Variants in SPAG9 observed in about 807,000 individuals in gnomAD.
The protein encoded by SPAG9 is sperm associated antigen 9, also known as C-Jun-amino-terminal kinase-interacting protein 4.
In SPAG9, 35 loss-of-function variants were observed where a neutral mutation model predicts 166.5. The ratio of observed to expected loss-of-function variants is 0.21; its 90% CI spans 0.16 to 0.28. The LOEUF (loss-of-function observed/expected upper bound fraction) is 0.28. Among genes scored for constraint, SPAG9 ranks in the 10% least tolerant of loss-of-function variants. The pLI, the probability that SPAG9 is intolerant of heterozygous loss-of-function variation, is 1.00. For synonymous variants in SPAG9, 534 were observed against 565.5 expected, an observed-to-expected ratio of 0.94 and a Z score of 0.79; for missense variants, 1,235 against 1,603.3, an observed-to-expected ratio of 0.77 and a Z score of 3.92.
chr17:50,970,013 A>C (rs575584807), intron 29 of SPAG9, among the ~76,000 whole-genome samples: 2 of 152,338 alleles, frequency 1.3e-5, no homozygotes, highest in African/African-American at 2.4e-5. Flanking sequence ...GTGCTCAATT[A>C]ATGTTTGTTA....
At chr17:51,023,642 G>A (rs9915100) in intron 6 of SPAG9, among the ~76,000 whole-genome samples, 8,692 of 152,040 alleles carry the variant, frequency 0.057, 736 homozygotes, top group African/African-American at 0.19. Context: ...TAAGTAAATC[G>A]TATTTTTCCA....
Position 51,021,365 on chromosome 17 carries a change from C to A in SPAG9, c.784G>T (p.Asp262Tyr). Residue 262 changes from aspartate to tyrosine, a missense_variant and splice_region_variant, in exon 7 of 30, where the codon GAT (aspartate) becomes TAT (tyrosine). Physicochemically the swap from Asp to Tyr is radical, Grantham distance 160. Around this residue, in one of 6 missense-constraint regions of SPAG9, gnomAD observed 288 missense variants for 323.7 expected, o/e 0.89. Transcript: ENST00000262013. ...PEPQKAVEQE[D>Y]ELSDVSQGGS... ...CCTTGGCTAACATCAGAAAGCTCATCCTACAAATAAAAATAATTTAAAATA... is the reference window on the plus strand; with the variant it reads ...CCTTGGCTAACATCAGAAAGCTCATACTACAAATAAAAATAATTTAAAATA... The A allele has an allele frequency of 6.3e-7, 1 of 1,596,210 alleles. No homozygotes were observed. Among genetic ancestry groups the A allele is most frequent in the Non-Finnish European group, 8.5e-7 (1 of 1,171,966 alleles).
chr17:51,043,133 G>A (rs1170250745), intron 4 of SPAG9, among the ~76,000 whole-genome samples: 2 of 152,048 alleles, frequency 1.3e-5, no homozygotes, highest in African/African-American at 2.4e-5. Flanking sequence ...CACATGATCT[G>A]CCTGCTTCGG....
chr17:51,033,309 T>C (rs1312308954), intron 5 of SPAG9, among the ~76,000 whole-genome samples: 1 of 98,404 alleles, frequency 1.0e-5, no homozygotes, highest in Non-Finnish European at 2.1e-5. Context: ...TGTCATTAAA[T>C]GAAAAAAAAA....
At chr17:51,089,637 T>TATAC (rs1443803443) in intron 1 of SPAG9, among the ~76,000 whole-genome samples, 2 of 79,540 alleles carry the variant, frequency 2.5e-5, no homozygotes, top group Non-Finnish European at 4.7e-5. Flanking sequence ...TATATATATA[T>TATAC]ATATATATAT....
At chr17:51,095,656 A>C (rs1052656046) in intron 1 of SPAG9, among the ~76,000 whole-genome samples, 2 of 148,042 alleles carry the variant, frequency 1.4e-5, no homozygotes, top group Non-Finnish European at 3.0e-5. Flanking sequence ...ATCTCCAAAA[A>C]AAGAAAAAAA....
At chr17:51,004,119 G>C (rs1335303723) in intron 12 of SPAG9, among the ~76,000 whole-genome samples, 1 of 152,116 alleles carries the variant, frequency 6.6e-6, no homozygotes, top group Non-Finnish European at 1.5e-5. Context: ...CACAAAAAAG[G>C]AAAAATTAAA....
rs1037189802 is a variant in SPAG9 at position 51,120,748 on chromosome 17, G to C, written c.-92C>G. ...GACGGACCCGACTCGGGCTGGGACGGGTACTAGGGCTGGAGCCCGGGCCGG... is the reference window on the plus strand; with the variant it reads ...GACGGACCCGACTCGGGCTGGGACGCGTACTAGGGCTGGAGCCCGGGCCGG... On this transcript the variant is annotated 5_prime_UTR_variant, in exon 1 of 30. Coordinates refer to ENST00000262013, the MANE Select transcript of SPAG9 (RefSeq NM_001130528.3). The surrounding 1 kb of genome is among the most constrained non-coding windows in gnomAD (Gnocchi z 4.7). 2.6e-5 allele frequency: 31 copies of C among 1,200,206 alleles called. No individual in the cohort carries two copies. Among genetic ancestry groups the C allele is most frequent in the Non-Finnish European group, 3.4e-5 (30 of 875,564 alleles). The allele number at this position is 1,200,206 out of a possible 1,614,324, so 74.3% of individuals were successfully genotyped here.
At chr17:51,069,627 A>C (rs983950501) in intron 2 of SPAG9, among the ~76,000 whole-genome samples, 3 of 152,156 alleles carry the variant, frequency 2.0e-5, no homozygotes, top group African/African-American at 7.2e-5. Context: ...CATTCCTTTA[A>C]AATAAAAATT....
Position 51,014,270 on chromosome 17 carries a change from C to G in SPAG9, c.1175G>C (p.Gly392Ala). 1 of 1,613,366 alleles carries G rather than the reference C, an allele frequency of 6.2e-7. No individual in the cohort carries two copies. The highest frequency in any genetic ancestry group is 8.5e-7 in the Non-Finnish European group (1 of 1,179,500). The change falls in exon 9 of 30, where the codon GGC becomes GCC. Residue 392 changes from glycine to alanine, a missense_variant. Gly to Ala is a moderately conservative substitution (Grantham distance 60). Around this residue, in one of 6 missense-constraint regions of SPAG9, gnomAD observed 288 missense variants for 323.7 expected, o/e 0.89. Transcript: ENST00000262013. Reference sequence around the variant, plus strand: ...TCCTTCATCCACATCTCCTATTAGGCCTGAGCCAGCTGAAGACAGTTCTTC... The same window carrying G: ...TCCTTCATCCACATCTCCTATTAGGGCTGAGCCAGCTGAAGACAGTTCTTC... ...LFEELSSAGS[G>A]LIGDVDEGAD...
At chr17:50,987,331 ATTTG>A in intron 21 of SPAG9, 94 bp from the exon 22 acceptor site, 2 of 1,129,444 alleles carry the variant, frequency 1.8e-6, no homozygotes, top group Non-Finnish European at 2.5e-6. Context: ...AAGTTTGTTC[ATTTG>A]TTTATTATTT....
intron 1 of SPAG9, among the ~76,000 whole-genome samples, chr17:51,101,692 C>T (rs951465752): frequency 3.9e-5 from 6 of 151,990 alleles, no homozygotes; most frequent in Non-Finnish European, 5.9e-5. Flanking sequence ...GGTGCAACCT[C>T]AGCTCACTGC....
chr17:51,054,283 T>A (rs2047294741), intron 3 of SPAG9, among the ~76,000 whole-genome samples: 1 of 151,016 alleles, frequency 6.6e-6, no homozygotes, highest in Non-Finnish European at 1.5e-5. Flanking sequence ...TGCCTGGCTA[T>A]TTTTGTATAT....
In SPAG9 at chr17:50,995,583, C is replaced by A. The variant is rs1333242911; in HGVS notation, c.1969-50G>T. ...AAAAAGGCACATTAGTAAGCCTCAT[C>A]AAAAGTGAACTTATTACAGATCCAC... On this transcript the variant is annotated intron_variant, in intron 16 of 29. Coordinates refer to ENST00000262013, the MANE Select transcript of SPAG9 (RefSeq NM_001130528.3). 6 of 1,074,568 alleles carry A rather than the reference C, an allele frequency of 5.6e-6. No homozygotes were observed. In the South Asian group the frequency reaches 7.6e-5, roughly 14 times the overall value. The allele number at this position is 1,074,568 out of a possible 1,614,324, so 66.6% of individuals were successfully genotyped here. A position where few individuals can be genotyped will look rare whatever the true frequency, so the allele number is the denominator to read the frequency against.
intron 2 of SPAG9, among the ~76,000 whole-genome samples, chr17:51,061,405 C>A (rs566666944): frequency 6.6e-6 from 1 of 151,964 alleles, no homozygotes; most frequent in South Asian, 2.1e-4. Context: ...CTGAGGTCAG[C>A]AGTTCGAGAC....
intron 9 of SPAG9, among the ~76,000 whole-genome samples, chr17:51,011,683 A>G (rs892313915): frequency 6.6e-6 from 1 of 152,080 alleles, no homozygotes; most frequent in African/African-American, 2.4e-5. Context: ...GTGCCCGGCC[A>G]GGAACATTTT....
At chr17:51,004,788 T>C (rs2045127645) in intron 12 of SPAG9, among the ~76,000 whole-genome samples, 1 of 152,240 alleles carries the variant, frequency 6.6e-6, no homozygotes, top group Admixed American at 6.5e-5. Flanking sequence ...TTTATTCTTC[T>C]GTACTTATGT....
intron 26 of SPAG9, among the ~76,000 whole-genome samples, chr17:50,979,192 A>C (rs1974405529): frequency 6.6e-6 from 1 of 150,676 alleles, no homozygotes. Context: ...TGGGCAACAC[A>C]GTGAAACCTC....
chr17:51,028,829 A>G (rs1162697875), intron 6 of SPAG9, among the ~76,000 whole-genome samples: 1 of 152,206 alleles, frequency 6.6e-6, no homozygotes, highest in Non-Finnish European at 1.5e-5. Context: ...TGGCTTCTTG[A>G]CACTGCAAAT....
Sources: gnomAD v4.1 joint callset for allele counts (sites outside exome capture counted in the v4.1 genomes callset) on GRCh38, gnomAD v4.1.1 for gene constraint, gnomAD v4.1.1 regional missense constraint, Gnocchi (gnomAD v3.1) non-coding constraint, MANE v1.5 for transcripts, NCBI Gene and HGNC (gene_info 2026-07-23, HGNC 2026-07-21) for gene names.